Variants in SERPINB5 observed in about 807,000 individuals in gnomAD.
The protein encoded by SERPINB5 is serpin family B member 5.
In SERPINB5, 27 loss-of-function variants were observed where a neutral mutation model predicts 32.2. The ratio of observed to expected loss-of-function variants is 0.84; its 90% CI spans 0.62 to 1.16. The LOEUF (loss-of-function observed/expected upper bound fraction) is 1.16, where lower values mean the gene tolerates loss of function less well. SERPINB5 is among the 50% of genes most tolerant of loss of function. The pLI is 0.00. For missense variants in SERPINB5, 388 were observed against 436.3 expected (o/e 0.89, Z 0.99); for synonymous variants, 154 against 157.4 (o/e 0.98, Z 0.16).
At chr18:63,488,658 G>GAACCCAGGTAGTTCTGATTA (rs1381616075) in intron 3 of SERPINB5, among the ~76,000 whole-genome samples, 4 of 152,206 alleles carry the variant, frequency 2.6e-5, no homozygotes, top group African/African-American at 4.8e-5. Flanking sequence ...AGTTCTGATT[G>GAACCCAGGTAGTTCTGATTA]AACCCAGGTA....
chr18:63,488,017 TTAAA>T (rs1402447972), intron 3 of SERPINB5, among the ~76,000 whole-genome samples: 2 of 147,468 alleles, frequency 1.4e-5, no homozygotes, highest in Non-Finnish European at 3.0e-5. Context: ...TCTGAAGAAT[TTAAA>T]AAAAAAAACT....
At chr18:63,502,234 C>T (rs1314854033) in intron 6 of SERPINB5, among the ~76,000 whole-genome samples, 1 of 150,802 alleles carries the variant, frequency 6.6e-6, no homozygotes, top group African/African-American at 2.4e-5. Context: ...CTCCTGGGTT[C>T]ATGCCATTCT....
Position 63,500,223 on chromosome 18 carries a change from A to C in SERPINB5, c.735+936A>C, listed in dbSNP as rs571332073. The stretch of plus-strand genomic sequence containing the variant: ...GCTGGGACTAAAGGCACACAGCACT[A>C]TGCCTGGCTTTTTTTTTTTTTGTAA... On this transcript the variant is annotated intron_variant, in intron 6 of 6. Transcript: ENST00000382771. Among the ~76,000 whole-genome samples the C allele has an allele frequency of 1.1e-4, 16 of 143,850 alleles. 1 individual carries two copies. In the South Asian group the frequency reaches 2.1e-3, roughly 19 times the overall value. The allele number at this position is 143,850 out of a possible 152,430, so 94.4% of individuals were successfully genotyped here. A position where few individuals can be genotyped will look rare whatever the true frequency, so the allele number is the denominator to read the frequency against.
rs190729256 is a variant in SERPINB5 at position 63,491,621 on chromosome 18, C to T, written c.425-1332C>T. On this transcript the variant is annotated intron_variant, in intron 4 of 6. Coordinates refer to ENST00000382771, the MANE Select transcript of SERPINB5 (RefSeq NM_002639.5). ...TCCCAAGTAGCTGGGGCTACAGGTG[C>T]GTGCCACTACGCCCAGCTAATCTTT... Among the ~76,000 whole-genome samples the T allele has an allele frequency of 1.1e-3, 162 of 151,644 alleles. 1 individual carries two copies. Among genetic ancestry groups the T allele is most frequent in the African/African-American group, 3.7e-3 (155 of 41,352 alleles).
At chr18:63,484,908 T>G (rs1410287942) in intron 2 of SERPINB5, among the ~76,000 whole-genome samples, 3 of 151,776 alleles carry the variant, frequency 2.0e-5, no homozygotes, top group African/African-American at 7.3e-5. Context: ...GCCAGGCAAA[T>G]TTTTGTATTT....
chr18:63,501,369 G>A (rs892018232), intron 6 of SERPINB5, among the ~76,000 whole-genome samples: 7 of 152,046 alleles, frequency 4.6e-5, no homozygotes, highest in East Asian at 3.9e-4. Context: ...CAAAGGACAC[G>A]AACTCATCAT....
At chr18:63,483,055 G>C (rs550822923) in intron 1 of SERPINB5, among the ~76,000 whole-genome samples, 40 of 152,188 alleles carry the variant, frequency 2.6e-4, no homozygotes, top group Non-Finnish European at 5.3e-4. Flanking sequence ...TAACCTCATG[G>C]ACCTCCTGAA....
rs1030424262 is a variant in SERPINB5, at chr18:63,504,150, T to C, written c.*428T>C. On this transcript the variant is annotated 3_prime_UTR_variant, in exon 7 of 7. Transcript: ENST00000382771. ...CGCTTCCCTGAAAGACTGAAGAAAG[T>C]GTAGTGCATGGGACCCACGAAACTG... 6.8e-5 allele frequency: 13 copies of C among 191,488 alleles called. No homozygotes were observed. The highest frequency in any genetic ancestry group is 3.6e-4 in the Admixed American group (6 of 16,794). 11.9% of individuals were successfully genotyped at this position (191,488 alleles called of 1,614,324 possible).
intron 5 of SERPINB5, among the ~76,000 whole-genome samples, chr18:63,494,095 A>G (rs1280787122): frequency 2.0e-5 from 3 of 151,734 alleles, no homozygotes; most frequent in East Asian, 2.0e-4. Context: ...AAGTCGAGGC[A>G]GGCAGATCAC....
At chr18:63,484,739 A>ATATTTT (rs1474564506) in intron 2 of SERPINB5, 143 bp downstream of exon 2, 23 of 144,796 alleles carry the variant, frequency 1.6e-4, no homozygotes, top group African/African-American at 9.9e-4. Context: ...GACTCTCTTA[A>ATATTTT]TCTTTTTTTT....
chr18:63,487,830 T>A (rs1917239341), intron 3 of SERPINB5, among the ~76,000 whole-genome samples: 1 of 152,176 alleles, frequency 6.6e-6, no homozygotes, highest in Non-Finnish European at 1.5e-5. Context: ...ATTTCAAGGT[T>A]TCCAAATCGA....
rs1909496770 is a variant in SERPINB5, at chr18:63,498,489, G to C, written c.568-631G>C. On this transcript the variant is annotated intron_variant, in intron 5 of 6. Coordinates refer to ENST00000382771, the MANE Select transcript of SERPINB5 (RefSeq NM_002639.5). The surrounding 1 kb of genome is among the most constrained non-coding windows in gnomAD (Gnocchi z 4.2). ...CAGGAATAGTTTAAAGATCTCATAG[G>C]CATCTGTAAAGAATAACAAACGTTG... Among the ~76,000 whole-genome samples, 2 of 152,062 alleles carry C rather than the reference G, an allele frequency of 1.3e-5. No homozygotes were observed. Among genetic ancestry groups the C allele is most frequent in the Non-Finnish European group, 2.9e-5 (2 of 68,036 alleles).
chr18:63,494,415 T>G (rs550762129), intron 5 of SERPINB5, among the ~76,000 whole-genome samples: 2 of 152,186 alleles, frequency 1.3e-5, no homozygotes, highest in East Asian at 3.9e-4. Flanking sequence ...CCCATTTTAT[T>G]GGAAAACCCA....
Position 63,488,629 on chromosome 18 carries a change from G to C in SERPINB5, c.307-718G>C, listed in dbSNP as rs1023949082. 2.6e-5 allele frequency among the ~76,000 whole-genome samples: 4 copies of C among 152,098 alleles called. 1 individual carries two copies. The highest frequency in any genetic ancestry group is 9.7e-5 in the African/African-American group (4 of 41,400). On this transcript the variant is annotated intron_variant, in intron 3 of 6. Coordinates refer to ENST00000382771, the MANE Select transcript of SERPINB5 (RefSeq NM_002639.5). ...GGTGTTAAAAGGGCAAGTTCTTCAG[G>C]CCCTTTTAACACCCAGGTAGTTCTG...
intron 1 of SERPINB5, among the ~76,000 whole-genome samples, chr18:63,480,668 A>C (rs1180845169): frequency 6.6e-6 from 1 of 152,200 alleles, no homozygotes; most frequent in Non-Finnish European, 1.5e-5. Flanking sequence ...GTCATGTGGC[A>C]ACTGTGGCCA....
chr18:63,491,492 TGAG>T (rs1909337322), intron 4 of SERPINB5, among the ~76,000 whole-genome samples: 1 of 150,798 alleles, frequency 6.6e-6, no homozygotes, highest in African/African-American at 2.5e-5. Context: ...ATTTTTTTTT[TGAG>T]ATAGAATGTT....
intron 1 of SERPINB5, among the ~76,000 whole-genome samples, chr18:63,481,512 T>A (rs1318737338): frequency 6.6e-6 from 1 of 152,270 alleles, no homozygotes; most frequent in Non-Finnish European, 1.5e-5. Context: ...CATATTATTA[T>A]CAGTGCGATT....
intron 2 of SERPINB5, chr18:63,486,165 G>A (rs1044832688): frequency 2.6e-5 from 4 of 152,196 alleles, no homozygotes; most frequent in Non-Finnish European, 5.9e-5. Flanking sequence ...TAACAACTCA[G>A]GAAAGCAGGT....
At position 63,493,861 on chromosome 18, in the gene SERPINB5, A is replaced by AAAAAAAAC. The variant is rs1555670955; in HGVS notation, c.567+769_567+770insAAAACAAA. ...ACAAGAGTGAAACTCCACCTCAAGA[A>AAAAAAAAC]AAACAAACAAACAAACAAACAACAA... On this transcript the variant is annotated intron_variant, in intron 5 of 6. Transcript: ENST00000382771. 6.0e-5 allele frequency among the ~76,000 whole-genome samples: 9 copies of AAAAAAAAC among 151,132 alleles called. No homozygotes were observed. The South Asian group carries it at 8.4e-4, about 14-fold the overall frequency.
Sources: allele counts gnomAD v4.1 joint callset (sites outside exome capture counted in the v4.1 genomes callset), GRCh38; gene constraint gnomAD v4.1.1; non-coding constraint Gnocchi (gnomAD v3.1); transcripts MANE v1.5; gene names NCBI Gene and HGNC (gene_info 2026-07-23, HGNC 2026-07-21).